The following LLGL2 variants were observed in gnomAD, a reference collection of about 807,000 sequenced individuals.
The protein encoded by LLGL2 is LLGL2, scribble cell polarity complex component.
LLGL2 carries 81 observed loss-of-function variants against 123.2 expected under a neutral mutation model. The ratio of observed to expected loss-of-function variants is 0.66; its 90% confidence interval spans 0.55 to 0.79. LLGL2 has a LOEUF of 0.79. LLGL2 is among the 30% of genes least tolerant of loss of function. The probability of loss-of-function intolerance (pLI) is 0.00; values close to 1 mark genes in which losing one functional copy is unlikely to be tolerated. For synonymous variants in LLGL2, 577 were observed against 594.1 expected, an observed-to-expected ratio of 0.97 and a Z score of 0.42; for missense variants, 1,273 against 1,414.6, an observed-to-expected ratio of 0.90 and a Z score of 1.61.
At chr17:75,527,542 TAAG>T (rs1315627679) in intron 1 of LLGL2, among the ~76,000 whole-genome samples, 7 of 152,128 alleles carry the variant, frequency 4.6e-5, no homozygotes, top group African/African-American at 1.7e-4. Context: ...CATTCATAAA[TAAG>T]AAATAAAATA....
At chr17:75,574,407 C>A in intron 23 of LLGL2, 46 bp from the exon 24 acceptor site, 1 of 1,546,120 alleles carries the variant, frequency 6.5e-7, no homozygotes. Context: ...CTGTGGCTAG[C>A]CGCCCCAAGG....
Position 75,571,961 on chromosome 17 carries a change from G to A in LLGL2, c.2357G>A (p.Ser786Asn), listed in dbSNP as rs573399365. ...VVGILVLDGH[S>N]VPLPEPLEVA... ...GGCATCCTGGTGCTCGACGGACACA[G>A]CGTACCCCTTCCCGAGCCCCTCGAA... Residue 786 changes from serine to asparagine, a missense_variant, in exon 19 of 26, where the codon AGC becomes AAC. Transcript: ENST00000392550. 3 of 1,612,872 alleles carry A rather than the reference G, an allele frequency of 1.9e-6. No homozygotes were observed. In the South Asian group the frequency reaches 3.3e-5, roughly 18 times the overall value.
chr17:75,568,394 C>T (rs569298855), intron 10 of LLGL2, 82 bp from the exon 11 acceptor site: 3 of 1,518,684 alleles, frequency 2.0e-6, no homozygotes, highest in African/African-American at 1.4e-5. Flanking sequence ...GATGCCCTGG[C>T]TCCAACCCTG....
At chr17:75,547,205 T>C (rs527748223) in intron 2 of LLGL2, among the ~76,000 whole-genome samples, 24 of 152,342 alleles carry the variant, frequency 1.6e-4, no homozygotes, top group South Asian at 6.2e-4. Context: ...TCTTGTTTCT[T>C]TGGCTTCAGT....
In LLGL2 at chr17:75,557,700, C is replaced by G. The variant is rs1025244654; in HGVS notation, c.174-455C>G. ...CCTTGCTGCGGGCTCAGCCTTCCCT[C>G]GGCTGGTTAATCATTGCCAGGCCAC... On this transcript the variant is annotated intron_variant, in intron 3 of 25. Transcript: ENST00000392550. 3 of 311,982 alleles carry G rather than the reference C, an allele frequency of 9.6e-6. No homozygotes were observed. The East Asian group carries it at 2.8e-4, about 29-fold the overall frequency. 19.3% of individuals were successfully genotyped at this position (311,982 alleles called of 1,614,324 possible).
chr17:75,566,374 C>G (rs1000309490), intron 10 of LLGL2, among the ~76,000 whole-genome samples: 1 of 152,162 alleles, frequency 6.6e-6, no homozygotes, highest in African/African-American at 2.4e-5. Flanking sequence ...CAGTGAGAGT[C>G]GAGGGAGAGG....
chr17:75,535,715 TTC>T (rs917309574), intron 1 of LLGL2, among the ~76,000 whole-genome samples: 2 of 152,166 alleles, frequency 1.3e-5, no homozygotes, highest in African/African-American at 2.4e-5. Context: ...CGTGTGGTTA[TTC>T]TCTCTCTCTG....
At position 75,549,951 on chromosome 17, in the gene LLGL2, G is replaced by A. The variant is rs2054592771; in HGVS notation, c.76-6095G>A. Among the ~76,000 whole-genome samples the A allele has an allele frequency of 6.6e-6, 1 of 152,210 alleles. No homozygotes were observed. On this transcript the variant is annotated intron_variant, in intron 2 of 25. Transcript: ENST00000392550. The surrounding 1 kb of genome is among the most constrained non-coding windows in gnomAD (Gnocchi z 4.0). ...AGTCTGGCGGCTTCTGCAAATCTTT[G>A]CTCTCCTTTCCCAACCCCCCTGTCA... is the stretch of plus-strand genomic sequence containing the variant.
chr17:75,561,987 T>C (rs1239225583), intron 6 of LLGL2, among the ~76,000 whole-genome samples: 1 of 152,206 alleles, frequency 6.6e-6, no homozygotes, highest in Non-Finnish European at 1.5e-5. Flanking sequence ...ATTCAAATTC[T>C]AATGTCAGTG....
rs374460517 is a variant in LLGL2 at position 75,558,582 on chromosome 17, C to T, written c.326C>T (p.Ser109Leu). The T allele has an allele frequency of 1.4e-5, 23 of 1,611,362 alleles. No individual in the cohort carries two copies. The highest frequency in any genetic ancestry group is 1.7e-4 in the Middle Eastern group (1 of 5,946). The change falls in exon 5 of 26, where the codon TCG (serine) becomes TTG (leucine). Residue 109 changes from serine to leucine, a missense_variant. By Grantham distance (145) the Ser-to-Leu change is moderately radical. Coordinates refer to ENST00000392550, the MANE Select transcript of LLGL2 (RefSeq NM_001031803.2). This position sits in a 1 kb window ranked among gnomAD's most constrained non-coding sequence, Gnocchi z 4.0. ...AGCCTGAAGGTCAAGGGCGGGGCAT[C>T]GGAGCTGCAGGAGGATGAGAGCTTC... is the stretch of plus-strand genomic sequence containing the variant. ...LWSLKVKGGASELQEDESFTL... is the reference protein window; with the variant it reads ...LWSLKVKGGALELQEDESFTL...
In LLGL2 at chr17:75,568,472, C is replaced by G. The variant is rs1432088570; in HGVS notation, c.1037-4C>G. The G allele has an allele frequency of 6.2e-7, 1 of 1,611,628 alleles. No individual in the cohort carries two copies. Among genetic ancestry groups the G allele is most frequent in the African/African-American group, 1.3e-5 (1 of 74,848 alleles). On this transcript the variant is annotated splice_polypyrimidine_tract_variant and splice_region_variant and intron_variant, in intron 10 of 25. Transcript: ENST00000392550. ...CGGCCCCTGACCCTTGCCCTGTACC[C>G]CAGCCTTTGACGACCCCTATGCCCT...
rs1241660235 is a variant in LLGL2, at chr17:75,558,595, G to A, written c.339G>A (p.Glu113=). ...AGGGCGGGGCATCGGAGCTGCAGGA[G>A]GATGAGAGCTTCACACTGCGTGGAC... The part of the protein sequence containing the change: ...KVKGGASELQ[E]DESFTLRGPP... Residue 113 remains glutamate (E), a synonymous_variant, in exon 5 of 26, where the codon GAG becomes GAA. Coordinates refer to ENST00000392550, the MANE Select transcript of LLGL2 (RefSeq NM_001031803.2). The surrounding 1 kb of genome is among the most constrained non-coding windows in gnomAD (Gnocchi z 4.0). 6.2e-7 allele frequency: 1 copy of A among 1,610,482 alleles called. No homozygotes were observed. The highest frequency in any genetic ancestry group is 8.5e-7 in the Non-Finnish European group (1 of 1,178,658).
chr17:75,528,755 C>CAAACAAAA (rs1183761826), intron 1 of LLGL2, among the ~76,000 whole-genome samples: 1 of 151,450 alleles, frequency 6.6e-6, no homozygotes, highest in African/African-American at 2.4e-5. Flanking sequence ...AACAAACAAA[C>CAAACAAAA]AAAAAATGGC....
At chr17:75,537,675 C>A (rs556919693) in intron 1 of LLGL2, among the ~76,000 whole-genome samples, 1 of 151,022 alleles carries the variant, frequency 6.6e-6, no homozygotes, top group African/African-American at 2.4e-5. Context: ...TCAGCCTGGG[C>A]GACAGAGCGA....
At chr17:75,545,573 G>A (rs972605676) in intron 2 of LLGL2, among the ~76,000 whole-genome samples, 1 of 152,034 alleles carries the variant, frequency 6.6e-6, no homozygotes, top group Non-Finnish European at 1.5e-5. Context: ...AGAGGATTTG[G>A]GATCCCGTCT....
At chr17:75,568,222 G>A (rs1473888357) in intron 10 of LLGL2, 49 of 1,406,106 alleles carry the variant, frequency 3.5e-5, no homozygotes, top group Admixed American at 9.1e-5. Flanking sequence ...ATCCTGGTTG[G>A]GACCCTGCCT....
rs542658473 is a variant in LLGL2, at chr17:75,559,238, T to C, written c.372-14T>C. 2 of 1,583,336 alleles carry C rather than the reference T, an allele frequency of 1.3e-6. No individual in the cohort carries two copies. Among genetic ancestry groups the C allele is most frequent in the East Asian group, 2.3e-5 (1 of 44,406 alleles). On this transcript the variant is annotated splice_polypyrimidine_tract_variant and intron_variant, in intron 5 of 25. Coordinates refer to ENST00000392550, the MANE Select transcript of LLGL2 (RefSeq NM_001031803.2). The surrounding 1 kb of genome is among the most constrained non-coding windows in gnomAD (Gnocchi z 4.6). The stretch of plus-strand genomic sequence containing the variant: ...GGGCAGTGGTCGGCTCACGGGCAGC[T>C]GTTCTTGTCACAGGGCTGCCCCCAG...
chr17:75,575,181 GTTTTTAAT>G lies in LLGL2; in HGVS notation c.*304_*311del. ...ATGTTAACTGCCTCTGGGTGAAAAA[GTTTTTAAT>G]AAACACCTATTACCTCTTGACTGGT... On this transcript the variant is annotated 3_prime_UTR_variant, in exon 26 of 26. Coordinates refer to ENST00000392550, the MANE Select transcript of LLGL2 (RefSeq NM_001031803.2). 1 of 547,854 alleles carries G rather than the reference GTTTTTAAT, an allele frequency of 1.8e-6. No individual in the cohort carries two copies. Among genetic ancestry groups the G allele is most frequent in the East Asian group, 3.0e-5 (1 of 33,694 alleles). The allele number at this position is 547,854 out of a possible 1,614,324, so 33.9% of individuals were successfully genotyped here. A position where few individuals can be genotyped will look rare whatever the true frequency, so the allele number is the denominator to read the frequency against.
intron 2 of LLGL2, among the ~76,000 whole-genome samples, chr17:75,548,409 C>G (rs2054524621): frequency 6.6e-6 from 1 of 151,794 alleles, no homozygotes; most frequent in Non-Finnish European, 1.5e-5. Context: ...TCCCACATAG[C>G]TGGGATTACA....
Sources: allele counts gnomAD v4.1 joint callset (sites outside exome capture counted in the v4.1 genomes callset), GRCh38; gene constraint gnomAD v4.1.1; non-coding constraint Gnocchi (gnomAD v3.1); transcripts MANE v1.5; gene names NCBI Gene and HGNC (gene_info 2026-07-23, HGNC 2026-07-21).